NFILZ: variants seen among roughly 807,000 people sequenced by gnomAD.
NFILZ encodes NFIL3 like basic leucine zipper, also known as NFIL3 like protein.
chr19:8,660,375 C>T (rs1200352977), intron 3 of NFILZ, among the ~76,000 whole-genome samples: 3 of 151,784 alleles, frequency 2.0e-5, no homozygotes, highest in Non-Finnish European at 2.9e-5. Context: ...TCCCTGTTCT[C>T]GGGGGCTGGT....
rs2043101409 is a variant in NFILZ, at chr19:8,674,278, T to TA, written c.-163-272dup. Reference sequence around the variant, plus strand: ...TCAAATCTTAGTCCTGCTGCTGACTTACTGTGTGATGTGAGCAGATGAAAG... The same window carrying TA: ...TCAAATCTTAGTCCTGCTGCTGACTTAACTGTGTGATGTGAGCAGATGAAAG... On this transcript the variant is annotated intron_variant, in intron 3 of 5. Coordinates refer to ENST00000691075, the MANE Select transcript of NFILZ (RefSeq NM_001378600.1). Among the ~76,000 whole-genome samples, 3 of 152,320 alleles carry TA rather than the reference T, an allele frequency of 2.0e-5. No individual in the cohort carries two copies. In the South Asian group the frequency reaches 6.2e-4, roughly 32 times the overall value.
In NFILZ at chr19:8,680,456, T is replaced by C. The variant is rs1389765002; in HGVS notation, c.*2821T>C. ...ATGCAGCCGAGTTGGCAGTCTTTTC[T>C]TTTGTGGTTTGTACATTTTTGTCAT... On this transcript the variant is annotated 3_prime_UTR_variant, in exon 6 of 6. Coordinates refer to ENST00000691075, the MANE Select transcript of NFILZ (RefSeq NM_001378600.1). Among the ~76,000 whole-genome samples the C allele has an allele frequency of 6.6e-6, 1 of 152,152 alleles. No homozygotes were observed. Among genetic ancestry groups the C allele is most frequent in the Non-Finnish European group, 1.5e-5 (1 of 68,016 alleles).
rs1027097983 is a variant in NFILZ, at chr19:8,681,014, G to A, written c.*3379G>A. On this transcript the variant is annotated 3_prime_UTR_variant, in exon 6 of 6. Coordinates refer to ENST00000691075, the MANE Select transcript of NFILZ (RefSeq NM_001378600.1). ...GTTGTGGAGGACTTTGTGGGCCAAGGTGAGGACTTTGGCTTCCTTTCTGAG... is the reference window on the plus strand; with the variant it reads ...GTTGTGGAGGACTTTGTGGGCCAAGATGAGGACTTTGGCTTCCTTTCTGAG... Among the ~76,000 whole-genome samples the A allele has an allele frequency of 7.2e-5, 11 of 152,132 alleles. No homozygotes were observed. The highest frequency in any genetic ancestry group is 2.4e-4 in the African/African-American group (10 of 41,488).
chr19:8,648,266 C>T (rs1281489664), intron 3 of NFILZ, among the ~76,000 whole-genome samples: 4 of 151,186 alleles, frequency 2.6e-5, no homozygotes, highest in Non-Finnish European at 4.4e-5. Context: ...CCATGACACA[C>T]GTTTACCTAT....
chr19:8,674,285 T>G (rs1404301058), intron 3 of NFILZ, among the ~76,000 whole-genome samples: 1 of 152,200 alleles, frequency 6.6e-6, no homozygotes, highest in Non-Finnish European at 1.5e-5. Flanking sequence ...ACTTACTGTG[T>G]GATGTGAGCA....
At chr19:8,669,770 G>C (rs571287045) in intron 3 of NFILZ, among the ~76,000 whole-genome samples, 53 of 152,300 alleles carry the variant, frequency 3.5e-4, no homozygotes, top group Non-Finnish European at 5.6e-4. Flanking sequence ...TTGCTTTCCT[G>C]ATCTGTCAAA....
intron 3 of NFILZ, among the ~76,000 whole-genome samples, chr19:8,656,793 G>A (rs562423860): frequency 1.3e-5 from 2 of 152,330 alleles, no homozygotes; most frequent in South Asian, 2.1e-4. Context: ...CTGAAGGGGG[G>A]TCTGGAGGTC....
chr19:8,662,331 G>A (rs1238090897), intron 3 of NFILZ, among the ~76,000 whole-genome samples: 1 of 152,098 alleles, frequency 6.6e-6, no homozygotes, highest in East Asian at 1.9e-4. Flanking sequence ...GTGGGTGGCT[G>A]TTTAGGCTGG....
chr19:8,651,647 T>G (rs2042965419), intron 3 of NFILZ, among the ~76,000 whole-genome samples: 1 of 152,124 alleles, frequency 6.6e-6, no homozygotes, highest in Non-Finnish European at 1.5e-5. Flanking sequence ...TCCTCCTACC[T>G]CAGTCTCCTG....
At chr19:8,644,908 G>C (rs1269343336) in intron 3 of NFILZ, among the ~76,000 whole-genome samples, 2 of 151,608 alleles carry the variant, frequency 1.3e-5, no homozygotes, top group Non-Finnish European at 2.9e-5. Context: ...TGACATTACA[G>C]GCAAACGCCT....
In NFILZ at chr19:8,676,349, C is replaced by G. The variant is rs1163126199; in HGVS notation, c.-113-10C>G. ...GTTTACCTCCATGGATACATATTCT[C>G]TATTTCTAGGTTCAGTCATCCTTCT... On this transcript the variant is annotated splice_polypyrimidine_tract_variant and intron_variant, in intron 4 of 5. Coordinates refer to ENST00000691075, the MANE Select transcript of NFILZ (RefSeq NM_001378600.1). Among the ~76,000 whole-genome samples, 1 of 152,204 alleles carries G rather than the reference C, an allele frequency of 6.6e-6. No homozygotes were observed. Among genetic ancestry groups the G allele is most frequent in the Non-Finnish European group, 1.5e-5 (1 of 68,038 alleles).
intron 3 of NFILZ, chr19:8,638,465 C>T (rs1294003640): frequency 2.0e-5 from 3 of 152,234 alleles, no homozygotes; most frequent in African/African-American, 7.2e-5. Flanking sequence ...AATTGCCCAA[C>T]TTCTCTCCTG....
At chr19:8,656,367 CT>C (rs2042997592) in intron 3 of NFILZ, among the ~76,000 whole-genome samples, 3 of 148,354 alleles carry the variant, frequency 2.0e-5, no homozygotes, top group African/African-American at 7.8e-5. Flanking sequence ...TGAAGCCCAC[CT>C]TCTCCCTGAA....
At chr19:8,637,912 C>CAAAAAAAAAAAAAAAAAAAAAAAAAAAA (rs35778716) in intron 3 of NFILZ, among the ~76,000 whole-genome samples, 2 of 20,270 alleles carry the variant, frequency 9.9e-5, no homozygotes, top group Non-Finnish European at 1.8e-4. Flanking sequence ...AAGATGGTCT[C>CAAAAAAAAAAAAAAAAAAAAAAAAAAAA]AAAAAAAAAA....
chr19:8,652,222 G>C (rs10407324), intron 3 of NFILZ, among the ~76,000 whole-genome samples: 2,495 of 151,886 alleles, frequency 0.016, 66 homozygotes, highest in African/African-American at 0.058. Flanking sequence ...CCTGCCTCAG[G>C]CTCCAGAGTA....
At chr19:8,665,715 A>C (rs2043058895) in intron 3 of NFILZ, among the ~76,000 whole-genome samples, 1 of 152,218 alleles carries the variant, frequency 6.6e-6, no homozygotes, top group Admixed American at 6.5e-5. Flanking sequence ...ATCTTACTGC[A>C]TCCTTGCTAG....
Position 8,660,576 on chromosome 19 carries a change from C to A in NFILZ, c.-163-13975C>A, listed in dbSNP as rs950086726. 2.1e-4 allele frequency among the ~76,000 whole-genome samples: 26 copies of A among 125,124 alleles called. No individual in the cohort carries two copies. In the East Asian group the frequency reaches 5.5e-3, roughly 26 times the overall value. The allele number at this position is 125,124 out of a possible 152,430, so 82.1% of individuals were successfully genotyped here. ...CTCTCCTTCCTTCCTTCCTCCCCTC[C>A]CTCCCTCCTTCCTTCCTTCCTTCCC... On this transcript the variant is annotated intron_variant, in intron 3 of 5. Coordinates refer to ENST00000691075, the MANE Select transcript of NFILZ (RefSeq NM_001378600.1).
chr19:8,649,190 T>C (rs1555747486), intron 3 of NFILZ, among the ~76,000 whole-genome samples: 1 of 151,788 alleles, frequency 6.6e-6, no homozygotes, highest in Non-Finnish European at 1.5e-5. Flanking sequence ...GGTCTTGAAC[T>C]CCTGGGTTCA....
At chr19:8,640,316 GTT>G (rs71179871) in intron 3 of NFILZ, among the ~76,000 whole-genome samples, 6,641 of 124,224 alleles carry the variant, frequency 0.053, 211 homozygotes, top group Admixed American at 0.1. Flanking sequence ...TCCTGCTGTA[GTT>G]TTTTTTTTTT....
Sources: gnomAD v4.1 joint callset for allele counts (sites outside exome capture counted in the v4.1 genomes callset) on GRCh38, gnomAD v4.1.1 for gene constraint, MANE v1.5 for transcripts, NCBI Gene and HGNC (gene_info 2026-07-23, HGNC 2026-07-21) for gene names.